The following KLHL32 variants were observed in gnomAD, a reference collection of about 807,000 sequenced individuals.
KLHL32 encodes the protein kelch-like protein 32.
Under a neutral mutation model 64.8 loss-of-function variants are expected in KLHL32, and 35 were observed. That is an observed-to-expected ratio of 0.54 (90% CI 0.41 to 0.72). The LOEUF is 0.72. Among genes scored for constraint, KLHL32 ranks in the 30% least tolerant of loss-of-function variants. The pLI is 0.00. For missense variants in KLHL32, 589 were observed against 768.5 expected, an observed-to-expected ratio of 0.77 and a Z score of 2.76; for synonymous variants, 259 against 281.0, an observed-to-expected ratio of 0.92 and a Z score of 0.78.
rs111927332 is a variant in KLHL32 at position 97,070,209 on chromosome 6, A to G, written c.411+5483A>G. The stretch of plus-strand genomic sequence containing the variant: ...TGTGTTTGGAGAAAGTTAAAGTACA[A>G]AGTTTGGAAAACATATTACAAGTGG... On this transcript the variant is annotated intron_variant, in intron 5 of 10. Transcript: ENST00000369261. 9.6e-3 allele frequency among the ~76,000 whole-genome samples: 1,455 copies of G among 152,302 alleles called. 25 individuals carry two copies. Among genetic ancestry groups the G allele is most frequent in the African/African-American group, 0.032 (1,334 of 41,572 alleles).
the KLHL32 span, among the ~76,000 whole-genome samples, chr6:96,919,533 T>C: frequency 6.6e-6 from 1 of 152,350 alleles, no homozygotes; most frequent in Non-Finnish European, 1.5e-5. Flanking sequence ...GGTGAAGTTA[T>C]GTAGTTTCCA....
At chr6:97,112,138 G>A (rs1024938729) in intron 6 of KLHL32, among the ~76,000 whole-genome samples, 2 of 152,134 alleles carry the variant, frequency 1.3e-5, no homozygotes, top group Non-Finnish European at 2.9e-5. Flanking sequence ...TGAGGGTGGG[G>A]CCCTCAGTGG....
chr6:97,073,017 TG>T (rs1790996638), intron 5 of KLHL32, among the ~76,000 whole-genome samples: 1 of 152,168 alleles, frequency 6.6e-6, no homozygotes, highest in Admixed American at 6.5e-5. Flanking sequence ...AATGAGATAG[TG>T]CATGCAAAGT....
intron 3 of KLHL32, among the ~76,000 whole-genome samples, chr6:96,984,778 G>T (rs1451475618): frequency 2.0e-5 from 3 of 152,162 alleles, no homozygotes; most frequent in Non-Finnish European, 2.9e-5. Context: ...CTGCACGTGA[G>T]ATGGGTTTCC....
chr6:96,899,852 G>C, the KLHL32 span, among the ~76,000 whole-genome samples: 5 of 152,244 alleles, frequency 3.3e-5, no homozygotes, highest in African/African-American at 1.2e-4. Context: ...TAACTAGGAT[G>C]CTGCTTAGAA....
chr6:96,921,180 G>A (rs566974307), upstream of KLHL32, among the ~76,000 whole-genome samples: 18 of 152,102 alleles, frequency 1.2e-4, no homozygotes, highest in East Asian at 1.9e-4. Context: ...ATGTAATTAC[G>A]ATATTCTTTC....
intron 3 of KLHL32, among the ~76,000 whole-genome samples, chr6:96,981,944 T>A (rs973112294): frequency 6.6e-6 from 1 of 152,146 alleles, no homozygotes; most frequent in Non-Finnish European, 1.5e-5. Flanking sequence ...TTTTTTTTAA[T>A]TTGCTGAGGA....
At chr6:96,997,309 C>A (rs1778515189) in intron 3 of KLHL32, among the ~76,000 whole-genome samples, 1 of 152,120 alleles carries the variant, frequency 6.6e-6, no homozygotes, top group Non-Finnish European at 1.5e-5. Context: ...CTCCCTGTTG[C>A]TATCTGATTG....
intron 3 of KLHL32, among the ~76,000 whole-genome samples, chr6:96,977,490 G>A (rs76218411): frequency 0.022 from 3,387 of 152,108 alleles, 51 homozygotes; most frequent in Non-Finnish European, 0.034. Flanking sequence ...TGTTTTTTCA[G>A]TTAACAAGTG....
At chr6:97,102,583 CCAG>C (rs1322507343) in intron 6 of KLHL32, among the ~76,000 whole-genome samples, 6 of 151,918 alleles carry the variant, frequency 3.9e-5, no homozygotes, top group Non-Finnish European at 5.9e-5. Flanking sequence ...TGATGCAATC[CCAG>C]CCATCAATGA....
chr6:96,928,666 A>C lies in KLHL32; in HGVS notation c.-66+3640A>C, dbSNP rs554299296. Among the ~76,000 whole-genome samples, 23 of 152,348 alleles carry C rather than the reference A, an allele frequency of 1.5e-4. 1 individual carries two copies. In the South Asian group the frequency reaches 4.6e-3, roughly 30 times the overall value. ...ACATTTTTAATGTCTGATGGCTGGT[A>C]TATAATTTCCTCTCATGATATCACT... On this transcript the variant is annotated intron_variant, in intron 1 of 10. Transcript: ENST00000369261.
chr6:97,134,206 A>T (rs1799747666), intron 10 of KLHL32, among the ~76,000 whole-genome samples: 2 of 152,222 alleles, frequency 1.3e-5, no homozygotes, highest in Non-Finnish European at 2.9e-5. Context: ...AAGAGGAGAG[A>T]TGATAAAGAT....
chr6:97,072,153 T>C (rs140891756), intron 5 of KLHL32, among the ~76,000 whole-genome samples: 1 of 152,222 alleles, frequency 6.6e-6, no homozygotes, highest in East Asian at 1.9e-4. Context: ...ATCTCCCATC[T>C]CCTTGAGCCC....
At chr6:97,117,155 C>T (rs1207948284) in intron 7 of KLHL32, among the ~76,000 whole-genome samples, 1 of 152,122 alleles carries the variant, frequency 6.6e-6, no homozygotes, top group African/African-American at 2.4e-5. Context: ...CTAATGGGCC[C>T]CTTAACAAAA....
At chr6:97,124,181 G>C (rs1449806827) in intron 7 of KLHL32, among the ~76,000 whole-genome samples, 1 of 152,164 alleles carries the variant, frequency 6.6e-6, no homozygotes, top group Non-Finnish European at 1.5e-5. Context: ...AAGAGAACCA[G>C]TTTCCAAGGT....
intron 2 of KLHL32, among the ~76,000 whole-genome samples, chr6:96,968,385 CAAA>C (rs1344300797): frequency 6.6e-6 from 1 of 150,910 alleles, no homozygotes; most frequent in South Asian, 2.1e-4. Flanking sequence ...AAAACAAAAA[CAAA>C]AACAAAAAAA....
chr6:96,927,420 C>T (rs1769297629), intron 1 of KLHL32, among the ~76,000 whole-genome samples: 1 of 152,126 alleles, frequency 6.6e-6, no homozygotes, highest in Admixed American at 6.6e-5. Context: ...ACATTAAATC[C>T]CAGCACCCTG....
intron 3 of KLHL32, among the ~76,000 whole-genome samples, chr6:96,986,185 C>A (rs981819674): frequency 6.6e-6 from 1 of 152,152 alleles, no homozygotes; most frequent in African/African-American, 2.4e-5. Context: ...TGCAGAACAG[C>A]AGATATTGGT....
At chr6:97,062,630 G>T (rs965013083) in intron 4 of KLHL32, 1 of 151,150 alleles carries the variant, frequency 6.6e-6, no homozygotes, top group African/African-American at 2.4e-5. Flanking sequence ...CATGTGTAGA[G>T]ATCAATTAAT....
Sources: allele counts gnomAD v4.1 joint callset (sites outside exome capture counted in the v4.1 genomes callset), GRCh38; gene constraint gnomAD v4.1.1; transcripts MANE v1.5; gene names NCBI Gene and HGNC (gene_info 2026-07-23, HGNC 2026-07-21).